Variants in CROT observed in about 807,000 individuals in gnomAD.
The protein encoded by CROT is carnitine O-octanoyltransferase.
A neutral mutation model predicts 89.2 loss-of-function variants in CROT; 84 were observed. The ratio of observed to expected loss-of-function variants is 0.94; its 90% CI spans 0.79 to 1.13. The LOEUF is 1.13. CROT is among the 50% of genes most tolerant of loss of function. CROT has a pLI of 0.00. For synonymous variants in CROT, 212 were observed against 239.5 expected, an observed-to-expected ratio of 0.89 and a Z score of 1.06; for missense variants, 711 against 727.8, an observed-to-expected ratio of 0.98 and a Z score of 0.27.
At chr7:87,378,160 G>A (rs1806869001) in intron 10 of CROT, among the ~76,000 whole-genome samples, 1 of 151,812 alleles carries the variant, frequency 6.6e-6, no homozygotes, top group Admixed American at 6.6e-5. Flanking sequence ...TCTGGGCAAT[G>A]GCATGAAACC....
At chr7:87,354,211 G>T (rs1037947990) in intron 3 of CROT, among the ~76,000 whole-genome samples, 5 of 152,150 alleles carry the variant, frequency 3.3e-5, no homozygotes, top group African/African-American at 4.8e-5. Flanking sequence ...AAAACCTTAA[G>T]CCTTTTAAAT....
intron 13 of CROT, among the ~76,000 whole-genome samples, chr7:87,390,880 A>G (rs1249937584): frequency 1.3e-5 from 2 of 152,224 alleles, no homozygotes; most frequent in African/African-American, 4.8e-5. Flanking sequence ...CAGTAATTTT[A>G]TATCACATAT....
chr7:87,379,035 T>G (rs966327394), intron 10 of CROT, among the ~76,000 whole-genome samples: 5 of 152,196 alleles, frequency 3.3e-5, no homozygotes, highest in Non-Finnish European at 5.9e-5. Flanking sequence ...CTCAGTTTTC[T>G]TCTCTTCAGC....
intron 15 of CROT, 25 bp downstream of exon 15, chr7:87,392,669 C>G (rs1807403324): frequency 6.2e-7 from 1 of 1,610,202 alleles, no homozygotes. Flanking sequence ...ATTTTTCTGA[C>G]TTAAAAATCT....
At chr7:87,359,710 T>C (rs766205901) in intron 4 of CROT, 114 of 1,019,044 alleles carry the variant, frequency 1.1e-4, no homozygotes, top group East Asian at 6.1e-4. Context: ...ATAGGTGGCA[T>C]AGAAATATTT....
At chr7:87,348,916 A>T (rs1805782588) in intron 2 of CROT, 132 bp from the exon 3 acceptor site, 1 of 451,896 alleles carries the variant, frequency 2.2e-6, no homozygotes, top group East Asian at 3.5e-5. Flanking sequence ...TATAAATTTC[A>T]TAAAAGCTGG....
At chr7:87,376,296 G>A (rs1270002775) in intron 9 of CROT, among the ~76,000 whole-genome samples, 1 of 152,062 alleles carries the variant, frequency 6.6e-6, no homozygotes, top group Non-Finnish European at 1.5e-5. Flanking sequence ...AAGGTGAAAT[G>A]ATAACCTAAT....
intron 3 of CROT, among the ~76,000 whole-genome samples, chr7:87,352,449 C>T (rs1361325430): frequency 6.6e-6 from 1 of 152,122 alleles, no homozygotes; most frequent in Admixed American, 6.5e-5. Flanking sequence ...ACCTTAAAAC[C>T]CCTTTTAAGC....
chr7:87,381,156 T>C (rs1806989163), intron 10 of CROT, among the ~76,000 whole-genome samples: 1 of 152,230 alleles, frequency 6.6e-6, no homozygotes, highest in Non-Finnish European at 1.5e-5. Flanking sequence ...AAGCTCGCAG[T>C]GTCACGTTCA....
chr7:87,397,257 A>G (rs77205829), intron 17 of CROT, among the ~76,000 whole-genome samples: 13,507 of 152,070 alleles, frequency 0.089, 651 homozygotes, highest in South Asian at 0.16. Context: ...AACCTGAGGC[A>G]CGAGAATTGC....
Position 87,368,099 on chromosome 7 carries a change from C to T in CROT, c.548-1277C>T, listed in dbSNP as rs116688683. On this transcript the variant is annotated intron_variant, in intron 6 of 17. Transcript: ENST00000331536. ...TATCCTTTTCTCTGTGCCGCAGCTG[C>T]ACTGACCTTGTTTTCCTTTAAGCAG... is the stretch of plus-strand genomic sequence containing the variant. 7.6e-3 allele frequency among the ~76,000 whole-genome samples: 1,156 copies of T among 152,304 alleles called. 13 individuals are homozygous for T. Among genetic ancestry groups the T allele is most frequent in the African/African-American group, 0.025 (1,056 of 41,560 alleles).
At chr7:87,374,429 C>G (rs1456283458) in intron 7 of CROT, among the ~76,000 whole-genome samples, 2 of 151,988 alleles carry the variant, frequency 1.3e-5, no homozygotes, top group Non-Finnish European at 2.9e-5. Flanking sequence ...ATAGTCAAAA[C>G]TCGTGCTTTG....
At chr7:87,352,272 C>T (rs1805893348) in intron 3 of CROT, among the ~76,000 whole-genome samples, 1 of 152,112 alleles carries the variant, frequency 6.6e-6, no homozygotes, top group Admixed American at 6.6e-5. Context: ...CCATCAATGG[C>T]CAAGCTCTTA....
At chr7:87,376,004 C>T (rs1177229797) in intron 9 of CROT, 51 bp downstream of exon 9, 1 of 1,495,058 alleles carries the variant, frequency 6.7e-7, no homozygotes. Context: ...TTCTGGAAGA[C>T]TCATATTTAT....
At chr7:87,393,915 C>G (rs1229093482) in intron 17 of CROT, among the ~76,000 whole-genome samples, 1 of 151,986 alleles carries the variant, frequency 6.6e-6, no homozygotes, top group Non-Finnish European at 1.5e-5. Flanking sequence ...TGAAAAAACT[C>G]AAAACTGTGT....
chr7:87,364,758 G>C (rs1346074831), intron 6 of CROT, among the ~76,000 whole-genome samples: 1 of 152,158 alleles, frequency 6.6e-6, no homozygotes, highest in Admixed American at 6.5e-5. Context: ...AAAGGTGGAG[G>C]GGTTGGTCTT....
chr7:87,369,467 C>T lies in CROT; in HGVS notation c.639C>T (p.Thr213=), dbSNP rs752473548. The T allele has an allele frequency of 3.7e-6, 6 of 1,610,910 alleles. No individual in the cohort carries two copies. Among genetic ancestry groups the T allele is most frequent in the Admixed American group, 1.7e-5 (1 of 59,502 alleles). Residue 213 remains threonine (T), a synonymous_variant, in exon 7 of 18, where the codon ACC becomes ACT. Coordinates refer to ENST00000331536, the MANE Select transcript of CROT (RefSeq NM_021151.4). Reference sequence around the variant, plus strand: ...TAATACATGAAGGATGTTTGGTCACCCCGCCAGAGCTTCTCAGGTTTTCAG... The same window carrying T: ...TAATACATGAAGGATGTTTGGTCACTCCGCCAGAGCTTCTCAGGTTTTCAG... ...FDVIHEGCLV[T]PPELLRQLTY...
intron 3 of CROT, among the ~76,000 whole-genome samples, chr7:87,358,334 G>A (rs1484239330): frequency 1.4e-5 from 2 of 148,088 alleles, no homozygotes; most frequent in African/African-American, 5.0e-5. Context: ...AAAAAAAAAA[G>A]AGCCAGGAGT....
Position 87,359,278 on chromosome 7 carries a change from GA to G in CROT, c.189del (p.Glu64LysfsTer23). 6.3e-7 allele frequency: 1 copy of G among 1,599,378 alleles called. No homozygotes were observed. The highest frequency in any genetic ancestry group is 8.6e-7 in the Non-Finnish European group (1 of 1,168,338). Reference sequence around the variant, plus strand: ...GTTCAAAAATTTCAAAGTGGGATTGGAGAAAAATTGCACCAGAAATTGCTTG... The same window carrying G: ...GTTCAAAAATTTCAAAGTGGGATTGGGAAAAATTGCACCAGAAATTGCTTG... ...EIVQKFQSGI[G>X]EKLHQKLLER... On this transcript the variant is annotated frameshift_variant, in exon 4 of 18. Transcript: ENST00000331536. LOFTEE classifies it high-confidence loss of function.
Sources: gnomAD v4.1 joint callset for allele counts (sites outside exome capture counted in the v4.1 genomes callset) on GRCh38, gnomAD v4.1.1 for gene constraint, MANE v1.5 for transcripts, NCBI Gene and HGNC (gene_info 2026-07-23, HGNC 2026-07-21) for gene names.